The following PDE10A variants were observed in gnomAD, a reference collection of about 807,000 sequenced individuals.
The protein encoded by PDE10A is cAMP and cAMP-inhibited cGMP 3',5'-cyclic phosphodiesterase 10A.
Under a neutral mutation model 97.7 loss-of-function variants are expected in PDE10A, and 39 were observed. The observed-to-expected ratio is 0.40, with a 90% CI of 0.31 to 0.52. PDE10A has a LOEUF of 0.52. PDE10A is among the 20% of genes least tolerant of loss of function. The pLI is 0.56. For missense variants in PDE10A, 731 were observed against 1,047.8 expected (o/e 0.70, Z 4.17); for synonymous variants, 371 against 376.8 (o/e 0.98, Z 0.18).
intron 2 of PDE10A, among the ~76,000 whole-genome samples, chr6:165,487,641 T>C (rs1296342104): frequency 6.6e-6 from 1 of 152,144 alleles, no homozygotes; most frequent in Non-Finnish European, 1.5e-5. Context: ...ACTAGTGATA[T>C]TACATTGGGC....
chr6:165,644,261 G>A (rs12527179), intron 1 of PDE10A, among the ~76,000 whole-genome samples: 13,922 of 152,118 alleles, frequency 0.092, 794 homozygotes, highest in African/African-American at 0.17. Context: ...GGGTTTCACC[G>A]TGTGTTAGCC....
At chr6:165,804,791 C>T (rs1779074724) in intron 1 of PDE10A, among the ~76,000 whole-genome samples, 1 of 151,070 alleles carries the variant, frequency 6.6e-6, no homozygotes, top group Non-Finnish European at 1.5e-5. Context: ...GCGACGGCCC[C>T]GGGGCCGGGC....
chr6:165,642,308 C>G (rs899391941), intron 1 of PDE10A, among the ~76,000 whole-genome samples: 1 of 152,126 alleles, frequency 6.6e-6, no homozygotes, highest in Non-Finnish European at 1.5e-5. Context: ...TAGCATGATA[C>G]GTTTGTTCAG....
chr6:165,943,289 A>AGG lies in PDE10A; in HGVS notation c.-615+44239_-615+44240insCC, dbSNP rs1583320149. ...AAGGAAGGAAGGAAAGAAAGAAAGA[A>AGG]AGAAGGAAAGAAAGAAAGAAGGAAG... On this transcript the variant is annotated intron_variant, in intron 1 of 19. Coordinates refer to the PDE10A transcript ENST00000366882. Among the ~76,000 whole-genome samples, 42 of 120,980 alleles carry AGG rather than the reference A, an allele frequency of 3.5e-4. 1 individual carries two copies. Among genetic ancestry groups the AGG allele is most frequent in the Non-Finnish European group, 5.3e-4 (31 of 57,962 alleles). The allele number at this position is 120,980 out of a possible 152,430, so 79.4% of individuals were successfully genotyped here.
At chr6:165,404,168 T>C (rs528321663) in intron 13 of PDE10A, among the ~76,000 whole-genome samples, 1 of 152,304 alleles carries the variant, frequency 6.6e-6, no homozygotes, top group Admixed American at 6.5e-5. Context: ...CTATTCTACA[T>C]ACTCCCAAAA....
chr6:165,804,202 G>T (rs934206970), intron 1 of PDE10A, among the ~76,000 whole-genome samples: 1 of 152,078 alleles, frequency 6.6e-6, no homozygotes, highest in Non-Finnish European at 1.5e-5. Flanking sequence ...GTATTTGGGG[G>T]GTGGGCTGAT....
intron 1 of PDE10A, among the ~76,000 whole-genome samples, chr6:165,864,847 A>C (rs1465450076): frequency 6.6e-6 from 1 of 152,252 alleles, no homozygotes; most frequent in Non-Finnish European, 1.5e-5. Flanking sequence ...TAATAGGAAA[A>C]TGCCTGTTTT....
chr6:165,338,875 G>C (rs928059878), intron 20 of PDE10A, among the ~76,000 whole-genome samples: 1 of 152,182 alleles, frequency 6.6e-6, no homozygotes, highest in Non-Finnish European at 1.5e-5. Context: ...AGTGGTTCTA[G>C]CTTCTGTCCT....
intron 1 of PDE10A, among the ~76,000 whole-genome samples, chr6:165,830,573 G>A (rs551701138): frequency 6.6e-6 from 1 of 152,214 alleles, no homozygotes; most frequent in East Asian, 1.9e-4. Flanking sequence ...GGAGCAGTGT[G>A]CACACCGGGA....
intron 3 of PDE10A, among the ~76,000 whole-genome samples, chr6:165,468,220 A>G (rs1478674505): frequency 6.6e-6 from 1 of 151,840 alleles, no homozygotes; most frequent in Non-Finnish European, 1.5e-5. Context: ...CAGGGATTGC[A>G]GGTGCCTACC....
chr6:165,624,859 G>A (rs967383442), intron 1 of PDE10A, among the ~76,000 whole-genome samples: 6 of 152,242 alleles, frequency 3.9e-5, no homozygotes, highest in African/African-American at 1.4e-4. Context: ...TACAGAGCAG[G>A]TGTCACAGGC....
intron 1 of PDE10A, among the ~76,000 whole-genome samples, chr6:165,977,648 A>G (rs1784889592): frequency 6.6e-6 from 1 of 152,252 alleles, no homozygotes; most frequent in Admixed American, 6.5e-5. Context: ...ATATTCAGAC[A>G]TATTTATAGA....
At chr6:165,567,741 C>T (rs936575331) in intron 1 of PDE10A, among the ~76,000 whole-genome samples, 14 of 152,024 alleles carry the variant, frequency 9.2e-5, no homozygotes, top group East Asian at 5.8e-4. Flanking sequence ...TAATGGGGTT[C>T]GAAGATATAA....
In PDE10A at chr6:165,610,707, A is replaced by G. The variant is rs375350459; in HGVS notation, c.865+51240T>C. Among the ~76,000 whole-genome samples the G allele has an allele frequency of 1.5e-4, 23 of 152,316 alleles. 1 individual carries two copies. The highest frequency in any genetic ancestry group is 5.3e-4 in the African/African-American group (22 of 41,584). ...CCCACTGTGATGGCCAACCTCATGG[A>G]CATCTCTCGTCTCCTTTAAATGCCT... On this transcript the variant is annotated intron_variant, in intron 1 of 21. Transcript: ENST00000539869.
Position 165,663,130 on chromosome 6 carries a change from T to C in PDE10A, c.-319A>G, listed in dbSNP as rs1365263744. On this transcript the variant is annotated 5_prime_UTR_variant, in exon 1 of 22. Coordinates refer to ENST00000539869, the MANE Select transcript of PDE10A (RefSeq NM_001385079.1). Reference sequence around the variant, plus strand: ...CTCCCTGCAGGCGTGGCGTGGTGTGTGCGCGCTCCGGCGGCTGAGCCTCGG... The same window carrying C: ...CTCCCTGCAGGCGTGGCGTGGTGTGCGCGCGCTCCGGCGGCTGAGCCTCGG... 6.6e-6 allele frequency among the ~76,000 whole-genome samples: 1 copy of C among 151,522 alleles called. No homozygotes were observed. The highest frequency in any genetic ancestry group is 2.4e-5 in the African/African-American group (1 of 41,276).
chr6:165,543,710 G>T, intron 1 of PDE10A, 142 bp from the exon 2 acceptor site: 2 of 585,412 alleles, frequency 3.4e-6, no homozygotes, highest in African/African-American at 1.9e-5. Flanking sequence ...GGAAGGGGAA[G>T]CTACTGCTTA....
intron 19 of PDE10A, among the ~76,000 whole-genome samples, chr6:165,340,655 G>T (rs888862087): frequency 1.4e-4 from 22 of 152,202 alleles, no homozygotes; most frequent in African/African-American, 5.3e-4. Flanking sequence ...AAAAGGAAAA[G>T]AACCCAGTGC....
At chr6:165,756,850 C>T (rs1178565609) in intron 1 of PDE10A, among the ~76,000 whole-genome samples, 1 of 152,082 alleles carries the variant, frequency 6.6e-6, no homozygotes, top group Non-Finnish European at 1.5e-5. Flanking sequence ...TGAAAAACGG[C>T]ATCTCAGTGA....
intron 2 of PDE10A, among the ~76,000 whole-genome samples, chr6:165,482,587 T>C (rs2128281370): frequency 6.6e-6 from 1 of 152,342 alleles, no homozygotes; most frequent in South Asian, 2.1e-4. Context: ...CTAGAGGTTC[T>C]AAAATGGATA....
Sources: gnomAD v4.1 joint callset for allele counts (sites outside exome capture counted in the v4.1 genomes callset) on GRCh38, gnomAD v4.1.1 for gene constraint, MANE v1.5 for transcripts, NCBI Gene and HGNC (gene_info 2026-07-23, HGNC 2026-07-21) for gene names.